The following LRRC71 variants were observed in gnomAD, a reference collection of about 807,000 sequenced individuals.
LRRC71 encodes leucine rich repeat containing 71.
A neutral mutation model predicts 66.6 loss-of-function variants in LRRC71; 54 were observed. The observed-to-expected ratio is 0.81, with a 90% CI of 0.65 to 1.02. The LOEUF (loss-of-function observed/expected upper bound fraction) is 1.02, where lower values mean the gene tolerates loss of function less well. Ranked by LOEUF, LRRC71 falls within the 50% of genes least tolerant of loss-of-function variation. The pLI, the probability that LRRC71 is intolerant of heterozygous loss-of-function variation, is 0.00. For synonymous variants in LRRC71, 323 were observed against 303.9 expected, an observed-to-expected ratio of 1.06 and a Z score of -0.65; for missense variants, 724 against 718.0, an observed-to-expected ratio of 1.01 and a Z score of -0.10.
chr1:156,921,021 C>T (rs1260494032), intron 1 of LRRC71, 58 bp downstream of exon 1: 2 of 1,445,556 alleles, frequency 1.4e-6, no homozygotes, highest in South Asian at 1.5e-5. Context: ...CCCGGGTTCC[C>T]ACTAGCTACT....
chr1:156,932,633 C>A (rs1325172826), intron 14 of LRRC71, 88 bp downstream of exon 14: 1 of 1,613,296 alleles, frequency 6.2e-7, no homozygotes. Context: ...GCTTCTGTCT[C>A]CCCATTTCCA....
chr1:156,928,974 A>C (rs947648246), intron 9 of LRRC71, among the ~76,000 whole-genome samples: 7 of 152,158 alleles, frequency 4.6e-5, no homozygotes, highest in African/African-American at 1.7e-4. Context: ...AATTCCTGCA[A>C]TGCAGTTAAA....
chr1:156,939,467 G>A, the LRRC71 span: 1 of 1,588,402 alleles, frequency 6.3e-7, no homozygotes, highest in Non-Finnish European at 8.5e-7. Context: ...GGGAGTATAG[G>A]GAAGGAAGCA....
At chr1:156,926,519 T>G (rs1028061182) in intron 5 of LRRC71, among the ~76,000 whole-genome samples, 1 of 151,942 alleles carries the variant, frequency 6.6e-6, no homozygotes. Context: ...CCATCTCTTC[T>G]GCCATGTTCT....
At chr1:156,940,449 T>A in the LRRC71 span, 2 of 1,581,300 alleles carry the variant, frequency 1.3e-6, no homozygotes, top group Non-Finnish European at 1.7e-6. Context: ...GAGAAGATTG[T>A]AAGGCAGGGA....
chr1:156,940,069 C>A, the LRRC71 span: 1 of 1,401,474 alleles, frequency 7.1e-7, no homozygotes, highest in Non-Finnish European at 9.5e-7. Context: ...TGGGGAATGA[C>A]ATCTGTCTCC....
At chr1:156,931,276 C>T (rs1443912140) in intron 12 of LRRC71, among the ~76,000 whole-genome samples, 1 of 152,132 alleles carries the variant, frequency 6.6e-6, no homozygotes, top group Admixed American at 6.5e-5. Context: ...CCCTGCACAC[C>T]CTAGGCAGGG....
intron 9 of LRRC71, among the ~76,000 whole-genome samples, chr1:156,928,405 T>TTCTTCTTCTTCTTCTTCTTCC (rs1557789105): frequency 7.9e-6 from 1 of 126,562 alleles, no homozygotes. Context: ...CTTCTTCTTC[T>TTCTTCTTCTTCTTCTTCTTCC]TCCTCTTATT....
chr1:156,928,849 G>T (rs1000976238), intron 9 of LRRC71, among the ~76,000 whole-genome samples: 2 of 152,018 alleles, frequency 1.3e-5, no homozygotes, highest in Non-Finnish European at 2.9e-5. Flanking sequence ...GGGATTACAG[G>T]CGTGAGCCAC....
rs1654537658 is a variant in LRRC71, at chr1:156,932,544, CTG to C, written c.1563+2_1563+3del. On this transcript the variant is annotated splice_donor_variant and coding_sequence_variant, in exon 14 of 15. Transcript: ENST00000337428. LOFTEE classifies it high-confidence loss of function. Reference sequence around the variant, plus strand: ...GTGGGGCTGCTGTGGCTGTCCCTGGCTGTGAGTCCCTTTCACTCTCTCCTGCT... The same window carrying C: ...GTGGGGCTGCTGTGGCTGTCCCTGGCTGAGTCCCTTTCACTCTCTCCTGCT... 4.3e-6 allele frequency: 7 copies of C among 1,614,016 alleles called. No individual in the cohort carries two copies. Among genetic ancestry groups the C allele is most frequent in the African/African-American group, 1.3e-5 (1 of 75,046 alleles).
At chr1:156,935,935 G>C, downstream of LRRC71, 1 of 1,539,824 alleles carries the variant, frequency 6.5e-7, no homozygotes, top group Middle Eastern at 2.3e-4. Flanking sequence ...CCTACCCTGT[G>C]CCCCGGTCTC....
In LRRC71 at chr1:156,920,726, C is replaced by G. The variant is rs557611750; in HGVS notation, c.-78C>G. 2.9e-6 allele frequency: 4 copies of G among 1,395,760 alleles called. No homozygotes were observed. Among genetic ancestry groups the G allele is most frequent in the Admixed American group, 6.3e-5 (2 of 31,556 alleles). 86.5% of individuals were successfully genotyped at this position (1,395,760 alleles called of 1,614,324 possible). Reference sequence around the variant, plus strand: ...CAGAGATCCCCTGATTCAGCCACCCCCAGACTGAGCCCCGTAGAGTGCGTT... The same window carrying G: ...CAGAGATCCCCTGATTCAGCCACCCGCAGACTGAGCCCCGTAGAGTGCGTT... On this transcript the variant is annotated 5_prime_UTR_variant, in exon 1 of 15. Transcript: ENST00000337428. The surrounding 1 kb of genome is among the most constrained non-coding windows in gnomAD (Gnocchi z 4.9).
chr1:156,921,678 A>C (rs1361118042), intron 1 of LRRC71: 6 of 984,606 alleles, frequency 6.1e-6, no homozygotes, highest in Non-Finnish European at 7.2e-6. Context: ...GACAGTATAC[A>C]ATCCCCTACA....
At chr1:156,928,759 T>C (rs941804637) in intron 9 of LRRC71, among the ~76,000 whole-genome samples, 1 of 151,654 alleles carries the variant, frequency 6.6e-6, no homozygotes, top group African/African-American at 2.4e-5. Flanking sequence ...TTTAGTAAGA[T>C]GGGGTTTCGC....
intron 9 of LRRC71, among the ~76,000 whole-genome samples, chr1:156,928,407 C>A (rs569473594): frequency 7.9e-6 from 1 of 126,894 alleles, no homozygotes; most frequent in African/African-American, 3.1e-5. Flanking sequence ...TCTTCTTCTT[C>A]CTCTTATTCC....
Position 156,931,946 on chromosome 1 carries a change from C to G in LRRC71, c.1360C>G (p.Pro454Ala), listed in dbSNP as rs772514012. The G allele has an allele frequency of 1.3e-6, 2 of 1,596,100 alleles. No homozygotes were observed. Among genetic ancestry groups the G allele is most frequent in the South Asian group, 2.3e-5 (2 of 87,500 alleles). The change falls in exon 13 of 15, where the codon CCT becomes GCT. Residue 454 changes from proline (P) to alanine (A), a missense_variant. Transcript: ENST00000337428. ...TGTTGAGGCTACTGAGGTGGTCAAC[C>G]CTCTCCTGGAGCCTGTGGAGCACCG... ...LVVEATEVVN[P>A]LLEPVEHRDG...
rs2101669169 is a variant in LRRC71, at chr1:156,932,918, T to TGG, written c.1629_1630insGG (p.Pro544GlyfsTer26). On this transcript the variant is annotated frameshift_variant, in exon 15 of 15. Transcript: ENST00000337428. LOFTEE classifies it high-confidence loss of function. ...TCCAGGAGCTGATGTTGCCAAGGGA[T>TGG]CCCATCAAGGCCAAACTCAGGGAGG... The TGG allele has an allele frequency of 5.0e-6, 8 of 1,603,280 alleles. No individual in the cohort carries two copies. The South Asian group carries it at 7.9e-5, about 16-fold the overall frequency.
At chr1:156,936,962 C>A (rs1300519915), downstream of LRRC71, 4 of 1,614,024 alleles carry the variant, frequency 2.5e-6, no homozygotes, top group Non-Finnish European at 3.4e-6. Flanking sequence ...AGATGACTCT[C>A]CCCCAAGGGA....
At chr1:156,931,346 G>A (rs1244537178) in intron 12 of LRRC71, among the ~76,000 whole-genome samples, 2 of 152,196 alleles carry the variant, frequency 1.3e-5, no homozygotes, top group Admixed American at 1.3e-4. Context: ...TTACAAAAGA[G>A]GACGTTCAGA....
Sources: allele counts gnomAD v4.1 joint callset (sites outside exome capture counted in the v4.1 genomes callset), GRCh38; gene constraint gnomAD v4.1.1; non-coding constraint Gnocchi (gnomAD v3.1); transcripts MANE v1.5; gene names NCBI Gene and HGNC (gene_info 2026-07-23, HGNC 2026-07-21).